GNB1L: variants seen among roughly 807,000 people sequenced by gnomAD.
The protein encoded by GNB1L is guanine nucleotide-binding protein subunit beta-like protein 1.
GNB1L carries 20 observed loss-of-function variants against 29.1 expected under a neutral mutation model. The ratio of observed to expected loss-of-function variants is 0.69; its 90% CI spans 0.48 to 1.00. GNB1L has a LOEUF of 1.00. Ranked by LOEUF, GNB1L falls within the 50% of genes least tolerant of loss-of-function variation. GNB1L has a pLI of 0.00. For missense variants in GNB1L, 421 were observed against 464.9 expected (o/e 0.91, Z 0.87); for synonymous variants, 193 against 206.5 (o/e 0.93, Z 0.56).
At chr22:19,793,680 G>C (rs9618696) in intron 7 of GNB1L, among the ~76,000 whole-genome samples, 320 of 152,298 alleles carry the variant, frequency 2.1e-3, no homozygotes, top group African/African-American at 7.4e-3. Context: ...CACGGAGCAA[G>C]ACATATTACA....
intron 6 of GNB1L, among the ~76,000 whole-genome samples, chr22:19,804,883 C>T (rs1004509018): frequency 6.6e-6 from 1 of 152,240 alleles, no homozygotes; most frequent in African/African-American, 2.4e-5. Flanking sequence ...ACCCACGTTT[C>T]CCAAGGGGTG....
chr22:19,850,390 C>A (rs746927651), intron 2 of GNB1L: 30 of 988,694 alleles, frequency 3.0e-5, no homozygotes, highest in African/African-American at 1.0e-4. Flanking sequence ...GCAATGCATG[C>A]GAGTGCGGAG....
rs1473087988 is a variant in GNB1L, at chr22:19,786,362, TTGAC to T, written c.*2343_*2346del. ...CCTGCCATCCACCCTGCTTGTGCCTTTGACTGAAAGCACGAGGGCCAGGGGCCAA... is the reference window on the plus strand; with the variant it reads ...CCTGCCATCCACCCTGCTTGTGCCTTTGAAAGCACGAGGGCCAGGGGCCAA... On this transcript the variant is annotated 3_prime_UTR_variant, in exon 8 of 8. Transcript: ENST00000329517. 1 of 152,290 alleles carries T rather than the reference TTGAC, an allele frequency of 6.6e-6. No individual in the cohort carries two copies. Among genetic ancestry groups the T allele is most frequent in the Non-Finnish European group, 1.5e-5 (1 of 68,104 alleles). The allele number at this position is 152,290 out of a possible 1,614,324, so 9.4% of individuals were successfully genotyped here.
chr22:19,800,838 A>T (rs62222093), intron 7 of GNB1L, among the ~76,000 whole-genome samples: 26,614 of 152,248 alleles, frequency 0.17, 2,826 homozygotes, highest in South Asian at 0.35. Context: ...TCACCAGGGC[A>T]TGTCCTTCCG....
chr22:19,848,548 T>A, intron 2 of GNB1L: 1 of 985,500 alleles, frequency 1.0e-6, no homozygotes, highest in Non-Finnish European at 1.2e-6. Context: ...ACCCTACCTG[T>A]GCAGGAAACC....
chr22:19,853,411 T>TA (rs1438738010), intron 2 of GNB1L, among the ~76,000 whole-genome samples: 3 of 152,088 alleles, frequency 2.0e-5, no homozygotes, highest in South Asian at 2.1e-4. Flanking sequence ...AGCCCTCCTG[T>TA]AGGGCTCTTA....
At chr22:19,826,978 C>G (rs1937624411) in intron 2 of GNB1L, among the ~76,000 whole-genome samples, 1 of 152,108 alleles carries the variant, frequency 6.6e-6, no homozygotes, top group African/African-American at 2.4e-5. Flanking sequence ...TGGGTAACTT[C>G]CACATTAAGA....
chr22:19,833,681 T>C (rs1230997371), intron 2 of GNB1L, among the ~76,000 whole-genome samples: 1 of 151,922 alleles, frequency 6.6e-6, no homozygotes, highest in Non-Finnish European at 1.5e-5. Context: ...CTGGCCAACA[T>C]GGTGAAACCC....
chr22:19,850,814 T>A (rs907890903), intron 2 of GNB1L: 2 of 1,271,164 alleles, frequency 1.6e-6, no homozygotes, highest in Non-Finnish European at 2.0e-6. Context: ...CCAAGGGGGG[T>A]GTTTTATGGG....
At chr22:19,852,233 C>A (rs1362934716) in intron 2 of GNB1L, 7 of 1,610,914 alleles carry the variant, frequency 4.3e-6, no homozygotes, top group Non-Finnish European at 5.9e-6. Context: ...AATGCGAGGG[C>A]CCTGCTGACG....
At chr22:19,850,342 C>T in intron 2 of GNB1L, 1 of 985,606 alleles carries the variant, frequency 1.0e-6, no homozygotes, top group Non-Finnish European at 1.2e-6. Context: ...GGAGGGAGAT[C>T]CAAGTCATTT....
intron 7 of GNB1L, among the ~76,000 whole-genome samples, chr22:19,791,234 C>T (rs1478132992): frequency 6.6e-6 from 1 of 152,140 alleles, no homozygotes; most frequent in African/African-American, 2.4e-5. Flanking sequence ...CCTTGTGCTC[C>T]CCACCCCCCA....
At chr22:19,814,753 T>G (rs1569045077) in intron 4 of GNB1L, among the ~76,000 whole-genome samples, 1 of 152,084 alleles carries the variant, frequency 6.6e-6, no homozygotes, top group African/African-American at 2.4e-5. Context: ...GGGCGGTAAC[T>G]CTTCAAAAGT....
chr22:19,828,167 GAA>G (rs1937634817), intron 2 of GNB1L, among the ~76,000 whole-genome samples: 1 of 152,098 alleles, frequency 6.6e-6, no homozygotes, highest in African/African-American at 2.4e-5. Flanking sequence ...CACTCAATAA[GAA>G]AAAGAGTGTA....
intron 2 of GNB1L, among the ~76,000 whole-genome samples, chr22:19,853,994 C>A (rs1235274586): frequency 1.3e-5 from 2 of 152,216 alleles, no homozygotes; most frequent in Non-Finnish European, 2.9e-5. Context: ...GCCCACTCAC[C>A]TGCGCACCTG....
chr22:19,802,286 G>T, intron 6 of GNB1L, 70 bp from the exon 7 acceptor site: 2 of 1,311,302 alleles, frequency 1.5e-6, no homozygotes, highest in Non-Finnish European at 1.1e-6. Flanking sequence ...GGGAGAAGGG[G>T]CTCTGGAAAT....
intron 4 of GNB1L, among the ~76,000 whole-genome samples, chr22:19,819,619 C>G (rs1310917582): frequency 6.6e-6 from 1 of 152,200 alleles, no homozygotes; most frequent in Admixed American, 6.5e-5. Context: ...TGGGGGCACC[C>G]AGAAACCTGC....
intron 2 of GNB1L, chr22:19,850,384 T>A: frequency 1.0e-6 from 1 of 988,138 alleles, no homozygotes; most frequent in Non-Finnish European, 1.2e-6. Context: ...GAATCCGCAA[T>A]GCATGCGAGT....
chr22:19,822,591 C>T (rs1035378392), intron 2 of GNB1L, among the ~76,000 whole-genome samples: 9 of 152,236 alleles, frequency 5.9e-5, no homozygotes, highest in African/African-American at 1.7e-4. Flanking sequence ...GGCAGCCTGT[C>T]ACAGGGGGCC....
Sources: gnomAD v4.1 joint callset for allele counts (sites outside exome capture counted in the v4.1 genomes callset) on GRCh38, gnomAD v4.1.1 for gene constraint, MANE v1.5 for transcripts, NCBI Gene and HGNC (gene_info 2026-07-23, HGNC 2026-07-21) for gene names.